PPARGC1A: variants seen among roughly 807,000 people sequenced by gnomAD.
PPARGC1A encodes the protein PPARG coactivator 1 alpha.
Under a neutral mutation model 88.7 loss-of-function variants are expected in PPARGC1A, and 25 were observed. The observed-to-expected ratio is 0.28, with a 90% CI of 0.21 to 0.39. The LOEUF (loss-of-function observed/expected upper bound fraction) is 0.39. Ranked by LOEUF, PPARGC1A falls within the 10% of genes least tolerant of loss-of-function variation. The probability of loss-of-function intolerance (pLI) is 1.00; values close to 1 mark genes in which losing one functional copy is unlikely to be tolerated. For missense variants in PPARGC1A, 880 were observed against 968.7 expected (o/e 0.91, Z 1.22); for synonymous variants, 363 against 355.6 (o/e 1.02, Z -0.24).
At chr4:24,302,946 CT>C in the PPARGC1A span, among the ~76,000 whole-genome samples, 1 of 152,142 alleles carries the variant, frequency 6.6e-6, no homozygotes, top group African/African-American at 2.4e-5. Flanking sequence ...TCGTTCTATT[CT>C]TGCACAGACC....
chr4:24,004,707 GAAC>G, the PPARGC1A span, among the ~76,000 whole-genome samples: 1 of 152,130 alleles, frequency 6.6e-6, no homozygotes, highest in South Asian at 2.1e-4. Context: ...AACAGTTGAA[GAAC>G]AACACGAGCC....
At chr4:24,457,301 A>C in the PPARGC1A span, among the ~76,000 whole-genome samples, 1 of 152,154 alleles carries the variant, frequency 6.6e-6, no homozygotes, top group African/African-American at 2.4e-5. Context: ...GTTGAAAAAA[A>C]TTATGAGAAA....
the PPARGC1A span, among the ~76,000 whole-genome samples, chr4:24,377,296 G>A: frequency 6.6e-6 from 1 of 152,056 alleles, no homozygotes; most frequent in Non-Finnish European, 1.5e-5. Context: ...GGGCAGCGGG[G>A]TAGGGGATCA....
the PPARGC1A span, among the ~76,000 whole-genome samples, chr4:24,207,499 T>C: frequency 6.6e-6 from 1 of 152,320 alleles, no homozygotes. Context: ...AAGAGGCAGA[T>C]CATCAACAGT....
At chr4:23,902,086 T>A (rs1368599088), upstream of PPARGC1A, among the ~76,000 whole-genome samples, 3 of 152,150 alleles carry the variant, frequency 2.0e-5, no homozygotes, top group Middle Eastern at 3.2e-3. Flanking sequence ...AAATAGAATG[T>A]AAAATATTTC....
the PPARGC1A span, among the ~76,000 whole-genome samples, chr4:23,939,168 A>T: frequency 1.3e-4 from 20 of 152,216 alleles, no homozygotes; most frequent in Admixed American, 2.6e-4. Context: ...TCTTATTTTT[A>T]GTACTCAAAT....
the PPARGC1A span, among the ~76,000 whole-genome samples, chr4:24,028,613 G>A: frequency 6.6e-6 from 1 of 152,186 alleles, no homozygotes; most frequent in Admixed American, 6.5e-5. Context: ...TCTGGAACCA[G>A]CTGCCTGCCT....
At chr4:24,393,935 A>T in the PPARGC1A span, among the ~76,000 whole-genome samples, 6 of 152,238 alleles carry the variant, frequency 3.9e-5, no homozygotes, top group Non-Finnish European at 5.9e-5. Context: ...CCTGGGCAAC[A>T]TAGCAAGACC....
chr4:24,091,674 C>T, the PPARGC1A span: 19 of 981,918 alleles, frequency 1.9e-5, no homozygotes, highest in Non-Finnish European at 2.1e-5. Context: ...GATGAGGGAT[C>T]GGGCAGGAAG....
chr4:24,124,000 G>A, the PPARGC1A span, among the ~76,000 whole-genome samples: 39 of 151,950 alleles, frequency 2.6e-4, no homozygotes, highest in Non-Finnish European at 4.6e-4. Flanking sequence ...GAGATTGGGT[G>A]ACAGGACGGG....
At chr4:24,292,171 G>A in the PPARGC1A span, among the ~76,000 whole-genome samples, 1 of 152,096 alleles carries the variant, frequency 6.6e-6, no homozygotes, top group African/African-American at 2.4e-5. Flanking sequence ...ACCCCTGCAT[G>A]TGGATGAACC....
chr4:23,823,628 T>G (rs1261426978), intron 7 of PPARGC1A, among the ~76,000 whole-genome samples: 1 of 152,080 alleles, frequency 6.6e-6, no homozygotes, highest in Non-Finnish European at 1.5e-5. Flanking sequence ...ATTTAAGAAA[T>G]GATGTTAAGT....
At chr4:24,305,763 G>T in the PPARGC1A span, among the ~76,000 whole-genome samples, 1 of 152,114 alleles carries the variant, frequency 6.6e-6, no homozygotes, top group Non-Finnish European at 1.5e-5. Flanking sequence ...AGTAAGCCAA[G>T]ATCATGCCAC....
chr4:24,343,298 G>T, the PPARGC1A span, among the ~76,000 whole-genome samples: 1 of 152,282 alleles, frequency 6.6e-6, no homozygotes, highest in East Asian at 1.9e-4. Flanking sequence ...TAATGCAACA[G>T]TATTAAAAGG....
chr4:24,204,419 T>C, the PPARGC1A span, among the ~76,000 whole-genome samples: 1 of 151,622 alleles, frequency 6.6e-6, no homozygotes, highest in Non-Finnish European at 1.5e-5. Flanking sequence ...AATAAGTATT[T>C]GTTGAATAAA....
chr4:23,968,602 A>C, the PPARGC1A span, among the ~76,000 whole-genome samples: 1 of 152,182 alleles, frequency 6.6e-6, no homozygotes, highest in Non-Finnish European at 1.5e-5. Context: ...CTTATTCTTA[A>C]TAATACATAC....
the PPARGC1A span, among the ~76,000 whole-genome samples, chr4:24,158,283 T>C: frequency 5.3e-5 from 8 of 152,126 alleles, no homozygotes; most frequent in African/African-American, 1.9e-4. Context: ...TTCTCTCTCA[T>C]TATCCTGCTT....
At chr4:24,405,770 A>G in the PPARGC1A span, among the ~76,000 whole-genome samples, 1 of 152,178 alleles carries the variant, frequency 6.6e-6, no homozygotes, top group Admixed American at 6.5e-5. Context: ...AAAATCTTCC[A>G]ACAATGATTT....
At chr4:24,192,385 C>A in the PPARGC1A span, among the ~76,000 whole-genome samples, 3 of 152,138 alleles carry the variant, frequency 2.0e-5, no homozygotes, top group Non-Finnish European at 4.4e-5. Context: ...AAAAAATGTA[C>A]GCCTTACCCC....
Sources: allele counts gnomAD v4.1 joint callset (sites outside exome capture counted in the v4.1 genomes callset), GRCh38; gene constraint gnomAD v4.1.1; transcripts MANE v1.5; gene names NCBI Gene and HGNC (gene_info 2026-07-23, HGNC 2026-07-21).